Variants in UNC5C observed in about 807,000 individuals in gnomAD.
UNC5C encodes unc-5 netrin receptor C, also known as netrin receptor UNC5C.
A neutral mutation model predicts 99.8 loss-of-function variants in UNC5C; 47 were observed. The ratio of observed to expected loss-of-function variants is 0.47; its 90% CI spans 0.37 to 0.60. The LOEUF (loss-of-function observed/expected upper bound fraction) is 0.60, where lower values mean the gene tolerates loss of function less well. Among genes scored for constraint, UNC5C ranks in the 20% least tolerant of loss-of-function variants. The probability of loss-of-function intolerance (pLI) is 0.00; values close to 1 mark genes in which losing one functional copy is unlikely to be tolerated. For synonymous variants in UNC5C, 487 were observed against 452.2 expected, an observed-to-expected ratio of 1.08 and a Z score of -0.98; for missense variants, 1,062 against 1,165.9, an observed-to-expected ratio of 0.91 and a Z score of 1.30.
chr4:95,519,669 A>C (rs920768082), intron 1 of UNC5C, among the ~76,000 whole-genome samples: 1 of 152,144 alleles, frequency 6.6e-6, no homozygotes, highest in African/African-American at 2.4e-5. Context: ...TGTCAATACT[A>C]GTGATGGAAT....
intron 1 of UNC5C, among the ~76,000 whole-genome samples, chr4:95,444,391 TG>T (rs1450020061): frequency 6.7e-6 from 1 of 150,216 alleles, no homozygotes; most frequent in African/African-American, 2.5e-5. Context: ...AGTGCAGTGG[TG>T]CGATCTCCGC....
intron 1 of UNC5C, among the ~76,000 whole-genome samples, chr4:95,341,073 T>TATA (rs1743555034): frequency 6.6e-6 from 1 of 152,076 alleles, no homozygotes; most frequent in Non-Finnish European, 1.5e-5. Context: ...TCACAGAAGA[T>TATA]AGAATTTGAC....
At chr4:95,535,731 T>C (rs1462127520) in intron 1 of UNC5C, among the ~76,000 whole-genome samples, 1 of 152,170 alleles carries the variant, frequency 6.6e-6, no homozygotes, top group African/African-American at 2.4e-5. Context: ...ATATATTTGG[T>C]TGTACATCTT....
Position 95,542,619 on chromosome 4 carries a change from C to A in UNC5C, c.124+6115G>T, listed in dbSNP as rs112042277. 7.2e-3 allele frequency among the ~76,000 whole-genome samples: 1,099 copies of A among 152,202 alleles called. 13 individuals carry two copies. Among genetic ancestry groups the A allele is most frequent in the African/African-American group, 0.026 (1,060 of 41,562 alleles). ...TATATATGAGCAACATTTTGGGGAGCAGCAATGCTCAAAACAAAAAACCAC... is the reference window on the plus strand; with the variant it reads ...TATATATGAGCAACATTTTGGGGAGAAGCAATGCTCAAAACAAAAAACCAC... On this transcript the variant is annotated intron_variant, in intron 1 of 15. Coordinates refer to ENST00000453304, the MANE Select transcript of UNC5C (RefSeq NM_003728.4).
At chr4:95,383,664 T>TCC (rs1164057359) in intron 1 of UNC5C, among the ~76,000 whole-genome samples, 6 of 152,214 alleles carry the variant, frequency 3.9e-5, no homozygotes, top group Non-Finnish European at 7.3e-5. Context: ...CTGTTTACTT[T>TCC]TTATTCAATA....
chr4:95,222,691 T>C (rs1738515469), intron 7 of UNC5C, among the ~76,000 whole-genome samples: 2 of 152,158 alleles, frequency 1.3e-5, no homozygotes, highest in South Asian at 2.1e-4. Context: ...TCATAACAGC[T>C]TGTGCTTGGT....
chr4:95,294,568 G>T (rs1162790817), intron 3 of UNC5C, among the ~76,000 whole-genome samples: 8 of 152,132 alleles, frequency 5.3e-5, no homozygotes, highest in Admixed American at 5.2e-4. Flanking sequence ...GTAGGATAAG[G>T]GTGACCATAT....
intron 4 of UNC5C, 141 bp downstream of exon 4, chr4:95,278,118 G>T (rs1740925376): frequency 1.5e-6 from 1 of 661,050 alleles, no homozygotes; most frequent in Non-Finnish European, 2.6e-6. Context: ...AATCTATTTT[G>T]CCAGCAGCAG....
At chr4:95,199,495 T>C (rs1737567382) in intron 12 of UNC5C, among the ~76,000 whole-genome samples, 1 of 152,214 alleles carries the variant, frequency 6.6e-6, no homozygotes, top group East Asian at 1.9e-4. Flanking sequence ...TAAATGTCTA[T>C]TTAGAAAGCA....
chr4:95,531,777 C>T (rs1334767664), intron 1 of UNC5C, among the ~76,000 whole-genome samples: 1 of 152,214 alleles, frequency 6.6e-6, no homozygotes, highest in Admixed American at 6.5e-5. Flanking sequence ...TTTCCCACCA[C>T]CTCACACTCA....
chr4:95,292,139 C>G (rs1008933453), intron 3 of UNC5C, among the ~76,000 whole-genome samples: 2 of 150,114 alleles, frequency 1.3e-5, no homozygotes, highest in Non-Finnish European at 3.0e-5. Flanking sequence ...GGCCACAAAT[C>G]AGGACTTCTG....
chr4:95,523,602 C>T (rs1436335713), intron 1 of UNC5C, among the ~76,000 whole-genome samples: 1 of 151,940 alleles, frequency 6.6e-6, no homozygotes, highest in Non-Finnish European at 1.5e-5. Context: ...TATTAGAAAT[C>T]AATTTTCAAA....
intron 4 of UNC5C, among the ~76,000 whole-genome samples, chr4:95,275,163 T>C (rs1740812927): frequency 1.3e-5 from 2 of 152,194 alleles, no homozygotes; most frequent in South Asian, 4.1e-4. Flanking sequence ...CAATATTGTC[T>C]TCATTTGTAG....
intron 1 of UNC5C, among the ~76,000 whole-genome samples, chr4:95,385,980 A>G (rs1456117422): frequency 6.6e-6 from 1 of 152,110 alleles, no homozygotes; most frequent in Non-Finnish European, 1.5e-5. Context: ...AGTCCTCCCC[A>G]ACCAGTATCT....
chr4:95,517,325 A>T lies in UNC5C; in HGVS notation c.124+31409T>A, dbSNP rs185462152. ...TCAATTATGTTTTAATCCATGAATTAGGGGATTTCTAACTCCCAGTGACCT... is the reference window on the plus strand; with the variant it reads ...TCAATTATGTTTTAATCCATGAATTTGGGGATTTCTAACTCCCAGTGACCT... On this transcript the variant is annotated intron_variant, in intron 1 of 15. Transcript: ENST00000453304. Among the ~76,000 whole-genome samples the T allele has an allele frequency of 2.6e-5, 4 of 152,274 alleles. No homozygotes were observed. In the East Asian group the frequency reaches 7.7e-4, roughly 29 times the overall value.
Position 95,206,665 on chromosome 4 carries a change from A to G in UNC5C, c.1865T>C (p.Ile622Thr). ...CADPNTEDWKILLKNQAAQGQ... is the reference protein window; with the variant it reads ...CADPNTEDWKTLLKNQAAQGQ... Reference sequence around the variant, plus strand: ...CTGTGCTGCCTGGTTCTTGAGCAGTATTTTCCAGTCCTCGGTATTGGGGTC... The same window carrying G: ...CTGTGCTGCCTGGTTCTTGAGCAGTGTTTTCCAGTCCTCGGTATTGGGGTC... The change falls in exon 11 of 16, where the codon ATA becomes ACA. Residue 622 changes from isoleucine (I) to threonine (T), a missense_variant. By Grantham distance (89) the Ile-to-Thr change is moderately conservative. Around this residue, in one of 3 missense-constraint regions of UNC5C, gnomAD observed 810 missense variants for 854.5 expected, o/e 0.95. Coordinates refer to ENST00000453304, the MANE Select transcript of UNC5C (RefSeq NM_003728.4). 1.2e-6 allele frequency: 2 copies of G among 1,614,068 alleles called. No homozygotes were observed. The highest frequency in any genetic ancestry group is 1.7e-6 in the Non-Finnish European group (2 of 1,180,022).
intron 1 of UNC5C, among the ~76,000 whole-genome samples, chr4:95,392,165 C>T (rs1745381199): frequency 6.6e-6 from 1 of 152,162 alleles, no homozygotes; most frequent in African/African-American, 2.4e-5. Context: ...ACCTTAAAAA[C>T]TGGGTAAGTT....
At chr4:95,435,123 A>G (rs1291079185) in intron 1 of UNC5C, among the ~76,000 whole-genome samples, 1 of 152,086 alleles carries the variant, frequency 6.6e-6, no homozygotes, top group Non-Finnish European at 1.5e-5. Context: ...AGTACAAGGA[A>G]GCAGACAAAC....
At chr4:95,462,565 A>AG (rs1178888821) in intron 1 of UNC5C, among the ~76,000 whole-genome samples, 2 of 152,210 alleles carry the variant, frequency 1.3e-5, no homozygotes, top group African/African-American at 4.8e-5. Context: ...GGCAACATAC[A>AG]GGAGGTAATT....
Sources: allele counts gnomAD v4.1 joint callset (sites outside exome capture counted in the v4.1 genomes callset), GRCh38; gene constraint gnomAD v4.1.1; regional missense constraint gnomAD v4.1.1; transcripts MANE v1.5; gene names NCBI Gene and HGNC (gene_info 2026-07-23, HGNC 2026-07-21).